MITF: variants seen among roughly 807,000 people sequenced by gnomAD.
MITF encodes melanocyte inducing transcription factor.
In MITF, 17 loss-of-function variants were observed where a neutral mutation model predicts 60.5. The observed-to-expected ratio is 0.28, with a 90% CI of 0.19 to 0.42. The LOEUF is 0.42. MITF is among the 10% of genes least tolerant of loss of function. MITF has a pLI of 1.00. For missense variants in MITF, 622 were observed against 683.5 expected (o/e 0.91, Z 1.00); for synonymous variants, 260 against 248.5 (o/e 1.05, Z -0.43).
At chr3:69,909,550 T>C (rs2065177341) in intron 2 of MITF, among the ~76,000 whole-genome samples, 1 of 152,168 alleles carries the variant, frequency 6.6e-6, no homozygotes, top group Admixed American at 6.5e-5. Flanking sequence ...AAGACACTTG[T>C]TGAATGGCTT....
intron 2 of MITF, among the ~76,000 whole-genome samples, chr3:69,923,790 C>T (rs944337058): frequency 6.6e-6 from 1 of 152,140 alleles, no homozygotes; most frequent in Non-Finnish European, 1.5e-5. Flanking sequence ...TGGGACTATC[C>T]AAACCACATA....
At chr3:69,763,562 G>T (rs1575678033) in intron 1 of MITF, 1 of 1,151,664 alleles carries the variant, frequency 8.7e-7, no homozygotes, top group Non-Finnish European at 1.1e-6. Context: ...CTCTAATTTA[G>T]CCTTCCTAGT....
At chr3:69,958,637 C>A (rs2107535020) in intron 8 of MITF, among the ~76,000 whole-genome samples, 1 of 151,812 alleles carries the variant, frequency 6.6e-6, no homozygotes, top group South Asian at 2.1e-4. Context: ...TGAGATCTCA[C>A]AGATCTGTTT....
chr3:69,843,086 G>A (rs2063669146), intron 1 of MITF, among the ~76,000 whole-genome samples: 1 of 151,986 alleles, frequency 6.6e-6, no homozygotes, highest in African/African-American at 2.4e-5. Flanking sequence ...CTCGCTCCAG[G>A]TCCTTGCCAG....
intron 1 of MITF, among the ~76,000 whole-genome samples, chr3:69,837,524 G>T (rs544665315): frequency 6.6e-6 from 1 of 152,198 alleles, no homozygotes. Context: ...AATTCTGTTC[G>T]TGTGTATTTA....
intron 1 of MITF, among the ~76,000 whole-genome samples, chr3:69,792,998 C>CTTTTTTTTTT (rs58440406): frequency 2.3e-4 from 7 of 31,094 alleles, no homozygotes; most frequent in Admixed American, 6.8e-4. Flanking sequence ...AAGTCTTTAG[C>CTTTTTTTTTT]TTTTTTTTTT....
intron 2 of MITF, among the ~76,000 whole-genome samples, chr3:69,908,079 A>G (rs1372178501): frequency 6.7e-6 from 1 of 149,808 alleles, no homozygotes; most frequent in South Asian, 2.1e-4. Context: ...AGGAAACCTT[A>G]TGGGGCTTTT....
chr3:69,897,111 G>A (rs1410040044), intron 2 of MITF, among the ~76,000 whole-genome samples: 1 of 152,192 alleles, frequency 6.6e-6, no homozygotes, highest in Non-Finnish European at 1.5e-5. Flanking sequence ...GCAGGGGCCA[G>A]GAGCTTGGGT....
chr3:69,808,435 C>T (rs149520888), intron 1 of MITF, among the ~76,000 whole-genome samples: 4 of 152,066 alleles, frequency 2.6e-5, no homozygotes, highest in East Asian at 1.9e-4. Context: ...TTGCAGGCAA[C>T]GGGGGAGACA....
chr3:69,866,032 C>A (rs2064108125), intron 1 of MITF, among the ~76,000 whole-genome samples: 1 of 152,202 alleles, frequency 6.6e-6, no homozygotes, highest in Non-Finnish European at 1.5e-5. Flanking sequence ...GGGCTGCCTC[C>A]CTGGCCGTGC....
chr3:69,809,055 G>A (rs2063058751), intron 1 of MITF, among the ~76,000 whole-genome samples: 1 of 152,040 alleles, frequency 6.6e-6, no homozygotes, highest in African/African-American at 2.4e-5. Flanking sequence ...AGATATTTTG[G>A]AGCAAACTCA....
In MITF at chr3:69,936,725, G is replaced by A. The variant is rs1449964136; in HGVS notation, c.355-1097G>A. On this transcript the variant is annotated intron_variant, in intron 2 of 9. Coordinates refer to ENST00000352241, the MANE Select transcript of MITF (RefSeq NM_001354604.2). ...TTGGTGCCACCTAAAACATTGTTAT[G>A]CTGGAAATGCTAGAATATAATCACT... The A allele has an allele frequency of 1.9e-6, 3 of 1,613,464 alleles. No homozygotes were observed. Among genetic ancestry groups the A allele is most frequent in the East Asian group, 2.2e-5 (1 of 44,796 alleles).
At chr3:69,782,844 A>C (rs1575704861) in intron 1 of MITF, among the ~76,000 whole-genome samples, 1 of 152,210 alleles carries the variant, frequency 6.6e-6, no homozygotes, top group East Asian at 1.9e-4. Flanking sequence ...TGGAGTTACA[A>C]ATGGCAAATG....
Position 69,965,777 on chromosome 3 carries a change from A to G in MITF, c.*529A>G, listed in dbSNP as rs1160337903. The G allele has an allele frequency of 4.3e-6, 1 of 231,538 alleles. No individual in the cohort carries two copies. Among genetic ancestry groups the G allele is most frequent in the East Asian group, 6.2e-5 (1 of 16,122 alleles). 14.3% of individuals were successfully genotyped at this position (231,538 alleles called of 1,614,324 possible). A position where few individuals can be genotyped will look rare whatever the true frequency, so the allele number is the denominator to read the frequency against. ...CCCTCTAGCTTTGTTTAGTCTTTAT[A>G]CTGCAAACTATTTAAAGAAATATGT... On this transcript the variant is annotated 3_prime_UTR_variant, in exon 10 of 10. Coordinates refer to ENST00000352241, the MANE Select transcript of MITF (RefSeq NM_001354604.2).
At chr3:69,815,591 A>G (rs903531343) in intron 1 of MITF, among the ~76,000 whole-genome samples, 1 of 152,198 alleles carries the variant, frequency 6.6e-6, no homozygotes, top group African/African-American at 2.4e-5. Context: ...TATACAAAAT[A>G]TGTGTTAATT....
chr3:69,755,973 A>G (rs908898686), intron 1 of MITF, among the ~76,000 whole-genome samples: 1 of 152,152 alleles, frequency 6.6e-6, no homozygotes, highest in Non-Finnish European at 1.5e-5. Flanking sequence ...AATGGAAGAA[A>G]TGGTTAATCA....
intron 1 of MITF, among the ~76,000 whole-genome samples, chr3:69,797,655 T>A (rs2062852711): frequency 6.6e-6 from 1 of 152,208 alleles, no homozygotes; most frequent in Non-Finnish European, 1.5e-5. Flanking sequence ...TCAGTCTTGA[T>A]TTTAAAATGC....
intron 1 of MITF, among the ~76,000 whole-genome samples, chr3:69,825,615 G>A (rs1354873351): frequency 1.3e-5 from 2 of 152,126 alleles, no homozygotes; most frequent in East Asian, 3.9e-4. Flanking sequence ...TTGTGATAGG[G>A]CCATAGCAGT....
rs2106732605 is a variant in MITF at position 69,739,636 on chromosome 3, CG to C, written c.43del (p.Glu15ArgfsTer18). On this transcript the variant is annotated frameshift_variant, in exon 1 of 10. Transcript: ENST00000352241. LOFTEE classifies it high-confidence loss of function. The part of the protein sequence containing the change: ...ESGIVPDFEV[G>X]EEFHEEPKTY... ...CGGGGATCGTGCCGGATTTCGAAGT[CG>C]GGGAGGAGTTTCATGAAGAGCCCAA... 1 of 1,583,756 alleles carries C rather than the reference CG, an allele frequency of 6.3e-7. No homozygotes were observed. Among genetic ancestry groups the C allele is most frequent in the Non-Finnish European group, 8.6e-7 (1 of 1,163,348 alleles).
Sources: gnomAD v4.1 joint callset for allele counts (sites outside exome capture counted in the v4.1 genomes callset) on GRCh38, gnomAD v4.1.1 for gene constraint, MANE v1.5 for transcripts, NCBI Gene and HGNC (gene_info 2026-07-23, HGNC 2026-07-21) for gene names.